The following MTHFS variants were observed in gnomAD, a reference collection of about 807,000 sequenced individuals.
MTHFS encodes the protein methenyltetrahydrofolate synthetase, also known as 5-formyltetrahydrofolate cyclo-ligase.
A neutral mutation model predicts 12.7 loss-of-function variants in MTHFS; 7 were observed. That is an observed-to-expected ratio of 0.55 (90% CI 0.31 to 1.03). The LOEUF (loss-of-function observed/expected upper bound fraction) is 1.03, where lower values mean the gene tolerates loss of function less well. Among genes scored for constraint, MTHFS ranks in the 50% least tolerant of loss-of-function variants. MTHFS has a pLI of 0.05. For synonymous variants in MTHFS, 100 were observed against 97.1 expected, an observed-to-expected ratio of 1.03 and a Z score of -0.18; for missense variants, 252 against 258.1, an observed-to-expected ratio of 0.98 and a Z score of 0.16.
chr15:79,884,011 A>G (rs1287376950), intron 2 of MTHFS, among the ~76,000 whole-genome samples: 2 of 152,220 alleles, frequency 1.3e-5, no homozygotes, highest in African/African-American at 4.8e-5. Context: ...CAGCCACAGC[A>G]GCAACAATGG....
intron 1 of MTHFS, among the ~76,000 whole-genome samples, chr15:79,892,368 G>A (rs1267482327): frequency 6.6e-6 from 1 of 151,996 alleles, no homozygotes; most frequent in African/African-American, 2.4e-5. Context: ...TTTAACAGAC[G>A]ATGAAAAAGA....
At chr15:79,871,516 G>C (rs1242290671) in intron 2 of MTHFS, among the ~76,000 whole-genome samples, 8 of 151,370 alleles carry the variant, frequency 5.3e-5, no homozygotes, top group Admixed American at 5.3e-4. Flanking sequence ...TTGATGAGGG[G>C]AGAATTCAAG....
At chr15:79,862,134 G>C (rs2033927547) in intron 2 of MTHFS, among the ~76,000 whole-genome samples, 1 of 151,646 alleles carries the variant, frequency 6.6e-6, no homozygotes, top group Non-Finnish European at 1.5e-5. Context: ...CAGTTAACTT[G>C]GGTTGGCCAA....
At chr15:79,895,337 A>G (rs1223441219) in intron 1 of MTHFS, among the ~76,000 whole-genome samples, 2 of 152,230 alleles carry the variant, frequency 1.3e-5, no homozygotes, top group African/African-American at 4.8e-5. Flanking sequence ...TCCAATAGAA[A>G]GCTTTCCAAT....
Position 79,845,371 on chromosome 15 carries a change from C to G in MTHFS, c.451G>C (p.Gly151Arg). Residue 151 changes from glycine to arginine, a missense_variant, in exon 3 of 3, where the codon GGC becomes CGC. Physicochemically the swap from Gly to Arg is moderately radical, Grantham distance 125. Coordinates refer to ENST00000258874, the MANE Select transcript of MTHFS (RefSeq NM_006441.4). ...KHGNRLGRGKGYYDAYLKRCL... is the reference protein window; with the variant it reads ...KHGNRLGRGKRYYDAYLKRCL... Reference sequence around the variant, plus strand: ...CGCTTCAGATAGGCATCATAGTAGCCCTTGCCCCTCCCCAGTCGGTTGCCA... The same window carrying G: ...CGCTTCAGATAGGCATCATAGTAGCGCTTGCCCCTCCCCAGTCGGTTGCCA... 1 of 1,614,162 alleles carries G rather than the reference C, an allele frequency of 6.2e-7. No homozygotes were observed. The highest frequency in any genetic ancestry group is 1.1e-5 in the South Asian group (1 of 91,082).
At chr15:79,890,207 C>CTTTTTTTT (rs71150999) in intron 1 of MTHFS, among the ~76,000 whole-genome samples, 4 of 100,692 alleles carry the variant, frequency 4.0e-5, no homozygotes, top group Admixed American at 1.2e-4. Flanking sequence ...CTCTTTTTTC[C>CTTTTTTTT]TTTTTTTTTT....
At chr15:79,856,514 A>C (rs927159665) in intron 2 of MTHFS, among the ~76,000 whole-genome samples, 4 of 152,214 alleles carry the variant, frequency 2.6e-5, no homozygotes, top group East Asian at 1.9e-4. Flanking sequence ...CACACACACA[A>C]AAAAACAAAC....
intron 2 of MTHFS, among the ~76,000 whole-genome samples, chr15:79,856,927 C>T (rs1026839429): frequency 6.6e-6 from 1 of 150,454 alleles, no homozygotes; most frequent in Non-Finnish European, 1.5e-5. Context: ...TCTTCAGATA[C>T]AGAAATACAA....
intron 2 of MTHFS, among the ~76,000 whole-genome samples, chr15:79,883,121 T>A (rs966405832): frequency 1.3e-5 from 2 of 152,184 alleles, no homozygotes; most frequent in Non-Finnish European, 2.9e-5. Context: ...GGAGGATCAC[T>A]TGAGCCCAGA....
intron 2 of MTHFS, among the ~76,000 whole-genome samples, chr15:79,868,603 C>T (rs2034051405): frequency 1.3e-5 from 2 of 152,184 alleles, no homozygotes; most frequent in Non-Finnish European, 2.9e-5. Context: ...CAGCCCATCT[C>T]AATGCAGGTG....
intron 2 of MTHFS, among the ~76,000 whole-genome samples, chr15:79,862,573 T>C (rs532811695): frequency 1.3e-5 from 2 of 152,256 alleles, no homozygotes; most frequent in East Asian, 1.9e-4. Context: ...CATTCCAGCA[T>C]CCCTTTATCA....
In MTHFS at chr15:79,856,997, C is replaced by CT. The variant is rs558340769; in HGVS notation, c.380-11556dup. On this transcript the variant is annotated intron_variant, in intron 2 of 2. Coordinates refer to ENST00000258874, the MANE Select transcript of MTHFS (RefSeq NM_006441.4). Reference sequence around the variant, plus strand: ...TTTAGAAGATGAGCTCGCAAAGTCACTTTTTTTTTTTTTTTGAGACAGAGT... The same window carrying CT: ...TTTAGAAGATGAGCTCGCAAAGTCACTTTTTTTTTTTTTTTTGAGACAGAGT... 2.8e-3 allele frequency among the ~76,000 whole-genome samples: 363 copies of CT among 131,082 alleles called. 1 individual carries two copies. Among genetic ancestry groups the CT allele is most frequent in the South Asian group, 4.4e-3 (18 of 4,118 alleles). The allele number at this position is 131,082 out of a possible 152,430, so 86.0% of individuals were successfully genotyped here.
At position 79,889,364 on chromosome 15, in the gene MTHFS, A is replaced by G. The variant is rs1460257757; in HGVS notation, c.118-10T>C. 1 of 1,608,906 alleles carries G rather than the reference A, an allele frequency of 6.2e-7. No individual in the cohort carries two copies. The highest frequency in any genetic ancestry group is 8.5e-7 in the Non-Finnish European group (1 of 1,176,712). On this transcript the variant is annotated splice_polypyrimidine_tract_variant and intron_variant, in intron 1 of 2. Coordinates refer to ENST00000258874, the MANE Select transcript of MTHFS (RefSeq NM_006441.4). ...CACTGTGGGCAATCACCTAAATGGGAAATTATGGCAATTATATTTTCCAAG... is the reference window on the plus strand; with the variant it reads ...CACTGTGGGCAATCACCTAAATGGGGAATTATGGCAATTATATTTTCCAAG...
chr15:79,892,612 T>A (rs1196101559), intron 1 of MTHFS, among the ~76,000 whole-genome samples: 2 of 152,184 alleles, frequency 1.3e-5, no homozygotes, highest in Admixed American at 1.3e-4. Context: ...TGTCTTTTCT[T>A]ACATATTCAA....
chr15:79,856,460 C>T (rs997199015), intron 2 of MTHFS, among the ~76,000 whole-genome samples: 13 of 152,050 alleles, frequency 8.5e-5, no homozygotes, highest in Admixed American at 7.2e-4. Flanking sequence ...AGGACAATAC[C>T]TTGTTTATCT....
intron 2 of MTHFS, among the ~76,000 whole-genome samples, chr15:79,875,591 A>G (rs1489089896): frequency 1.3e-5 from 2 of 152,140 alleles, no homozygotes; most frequent in Non-Finnish European, 2.9e-5. Context: ...TACATCAAAG[A>G]CCTAAATGTA....
intron 2 of MTHFS, among the ~76,000 whole-genome samples, chr15:79,881,636 TC>T (rs2034296004): frequency 6.6e-6 from 1 of 151,950 alleles, no homozygotes; most frequent in Non-Finnish European, 1.5e-5. Context: ...TGTGACTCAG[TC>T]CAAGTTCTTC....
At chr15:79,890,646 G>A (rs2034458392) in intron 1 of MTHFS, among the ~76,000 whole-genome samples, 2 of 151,824 alleles carry the variant, frequency 1.3e-5, no homozygotes, top group African/African-American at 4.8e-5. Flanking sequence ...TTATATAATT[G>A]TAAGCCATAA....
intron 1 of MTHFS, among the ~76,000 whole-genome samples, chr15:79,894,988 C>T (rs1661094566): frequency 6.6e-6 from 1 of 152,118 alleles, no homozygotes; most frequent in Non-Finnish European, 1.5e-5. Flanking sequence ...CAAATGCTGC[C>T]ATTATACTCT....
Sources: gnomAD v4.1 joint callset for allele counts (sites outside exome capture counted in the v4.1 genomes callset) on GRCh38, gnomAD v4.1.1 for gene constraint, MANE v1.5 for transcripts, NCBI Gene and HGNC (gene_info 2026-07-23, HGNC 2026-07-21) for gene names.